Variants in NFIA observed in about 807,000 individuals in gnomAD.
The protein encoded by NFIA is nuclear factor 1 A-type.
Under a neutral mutation model 62.8 loss-of-function variants are expected in NFIA, and 8 were observed. The observed-to-expected ratio is 0.13, with a 90% CI of 0.07 to 0.23. The LOEUF (loss-of-function observed/expected upper bound fraction) is 0.23. NFIA is among the 10% of genes least tolerant of loss of function. The pLI is 1.00. For synonymous variants in NFIA, 235 were observed against 238.1 expected (o/e 0.99, Z 0.12); for missense variants, 410 against 642.1 (o/e 0.64, Z 3.91).
At chr1:61,213,558 G>C (rs981230264) in intron 2 of NFIA, among the ~76,000 whole-genome samples, 2 of 152,164 alleles carry the variant, frequency 1.3e-5, no homozygotes, top group African/African-American at 4.8e-5. Context: ...CTGAACTTGA[G>C]TTAGAAGAAC....
chr1:61,142,339 A>G (rs187866893), intron 2 of NFIA, among the ~76,000 whole-genome samples: 103 of 152,360 alleles, frequency 6.8e-4, no homozygotes, highest in Middle Eastern at 3.4e-3. Context: ...CCTTCTGTTT[A>G]TGGTAAACTT....
At chr1:61,302,561 A>G (rs1163349684) in intron 3 of NFIA, among the ~76,000 whole-genome samples, 2 of 152,144 alleles carry the variant, frequency 1.3e-5, no homozygotes, top group Non-Finnish European at 2.9e-5. Flanking sequence ...CCCCAACAGG[A>G]TGTTTTATTT....
At chr1:61,309,105 C>T (rs1334095804) in intron 3 of NFIA, among the ~76,000 whole-genome samples, 7 of 152,150 alleles carry the variant, frequency 4.6e-5, no homozygotes. Context: ...CCCCAGCTTC[C>T]TCCTTTCCTC....
chr1:61,306,459 A>G (rs1300394634), intron 3 of NFIA, among the ~76,000 whole-genome samples: 3 of 151,370 alleles, frequency 2.0e-5, no homozygotes, highest in Non-Finnish European at 4.4e-5. Context: ...TATTTTTAGT[A>G]GAGACAAAGT....
intron 6 of NFIA, among the ~76,000 whole-genome samples, chr1:61,377,906 C>T (rs1664228937): frequency 6.6e-6 from 1 of 152,150 alleles, no homozygotes. Flanking sequence ...GCATGTTGTT[C>T]GGTTGTCACT....
At chr1:61,398,471 C>G (rs1027414347) in intron 7 of NFIA, among the ~76,000 whole-genome samples, 36 of 152,204 alleles carry the variant, frequency 2.4e-4, no homozygotes, top group Non-Finnish European at 4.6e-4. Flanking sequence ...TAGACTCTAT[C>G]AACCATCTTG....
At chr1:61,225,861 T>G (rs1217587385) in intron 2 of NFIA, among the ~76,000 whole-genome samples, 3 of 152,180 alleles carry the variant, frequency 2.0e-5, no homozygotes, top group Admixed American at 1.3e-4. Context: ...CTGTAATCTT[T>G]TTACCGAGTA....
At chr1:61,148,964 C>T (rs530548731) in intron 2 of NFIA, among the ~76,000 whole-genome samples, 1 of 152,308 alleles carries the variant, frequency 6.6e-6, no homozygotes, top group South Asian at 2.1e-4. Context: ...CCTCGAACTC[C>T]TGGGCTTAAG....
chr1:61,218,360 G>C (rs1291007911), intron 2 of NFIA, among the ~76,000 whole-genome samples: 1 of 152,186 alleles, frequency 6.6e-6, no homozygotes, highest in Admixed American at 6.5e-5. Context: ...ATACAAAGTG[G>C]TGTATGTTGG....
chr1:61,161,625 A>G (rs1056694898), intron 2 of NFIA, among the ~76,000 whole-genome samples: 1 of 150,984 alleles, frequency 6.6e-6, no homozygotes, highest in Admixed American at 6.6e-5. Flanking sequence ...ACACACGCAG[A>G]CAGTCTCTGA....
chr1:61,110,703 C>T (rs745921333), intron 2 of NFIA, among the ~76,000 whole-genome samples: 1 of 152,006 alleles, frequency 6.6e-6, no homozygotes, highest in Non-Finnish European at 1.5e-5. Context: ...ATATGTCAGA[C>T]TGATAAGTTT....
At chr1:61,188,274 A>G (rs1651353132) in intron 2 of NFIA, among the ~76,000 whole-genome samples, 1 of 152,006 alleles carries the variant, frequency 6.6e-6, no homozygotes, top group African/African-American at 2.4e-5. Context: ...GTTTTCTTAC[A>G]TGACCATCTT....
chr1:61,396,478 C>T (rs1046024504), intron 7 of NFIA, among the ~76,000 whole-genome samples: 6 of 152,074 alleles, frequency 3.9e-5, no homozygotes, highest in African/African-American at 1.4e-4. Context: ...AACTCCTGGG[C>T]TCGAGTGATT....
intron 7 of NFIA, among the ~76,000 whole-genome samples, chr1:61,394,742 C>A (rs1042122268): frequency 7.2e-5 from 11 of 152,162 alleles, no homozygotes; most frequent in African/African-American, 2.7e-4. Flanking sequence ...TGAAATTTAC[C>A]CACAGTAGGA....
intron 2 of NFIA, among the ~76,000 whole-genome samples, chr1:61,232,135 C>T (rs974526182): frequency 6.6e-6 from 1 of 152,044 alleles, no homozygotes; most frequent in African/African-American, 2.4e-5. Context: ...CAGAACAGAA[C>T]AGTGATTCTG....
At chr1:61,081,684 CCTT>C (rs1317690744), upstream of NFIA, 1 of 542,132 alleles carries the variant, frequency 1.8e-6, no homozygotes, top group African/African-American at 1.9e-5. Flanking sequence ...TTAATCTCCG[CCTT>C]CTTTTCTCCA....
In NFIA at chr1:61,201,670, A is replaced by G. The variant is rs145104151; in HGVS notation, c.560-75850A>G. On this transcript the variant is annotated intron_variant, in intron 2 of 10. Transcript: ENST00000403491. ...TGTGAGAGGGAGCACCTTGAGAAGC[A>G]TAATTTAATTAGAATGAATTTATGA... Among the ~76,000 whole-genome samples the G allele has an allele frequency of 2.0e-3, 301 of 152,320 alleles. 1 individual carries two copies. The highest frequency in any genetic ancestry group is 6.8e-3 in the Middle Eastern group (2 of 294).
Position 61,082,579 on chromosome 1 carries a change from A to C in NFIA, c.-213A>C, listed in dbSNP as rs937710995. The stretch of plus-strand genomic sequence containing the variant: ...TCTAGGCGGGGTTAAAGTTCAGCTC[A>C]TGGAGCGGCAATAGCGCTGGCTGGC... On this transcript the variant is annotated 5_prime_UTR_variant, in exon 1 of 11. An upstream start codon of the reference 5' UTR is lost. Transcript: ENST00000403491. 74 of 1,472,810 alleles carry C rather than the reference A, an allele frequency of 5.0e-5. No homozygotes were observed. The highest frequency in any genetic ancestry group is 1.3e-4 in the African/African-American group (9 of 69,826). The allele number at this position is 1,472,810 out of a possible 1,614,324, so 91.2% of individuals were successfully genotyped here.
At chr1:61,334,031 G>A (rs150655429) in intron 4 of NFIA, among the ~76,000 whole-genome samples, 144 of 152,182 alleles carry the variant, frequency 9.5e-4, no homozygotes, top group African/African-American at 3.2e-3. Flanking sequence ...TTCAAATAGC[G>A]GATAAATCGT....
Sources: gnomAD v4.1 joint callset for allele counts (sites outside exome capture counted in the v4.1 genomes callset) on GRCh38, gnomAD v4.1.1 for gene constraint, MANE v1.5 for transcripts, NCBI Gene and HGNC (gene_info 2026-07-23, HGNC 2026-07-21) for gene names.